The following PTPRN2 variants were observed in gnomAD, a reference collection of about 807,000 sequenced individuals.
PTPRN2 encodes receptor-type tyrosine-protein phosphatase N2.
In PTPRN2, 74 loss-of-function variants were observed where a neutral mutation model predicts 118.8. That is an observed-to-expected ratio of 0.62 (90% confidence interval 0.52 to 0.76). The LOEUF is 0.76. Ranked by LOEUF, PTPRN2 falls within the 30% of genes least tolerant of loss-of-function variation. The pLI, the probability that PTPRN2 is intolerant of heterozygous loss-of-function variation, is 0.00. For synonymous variants in PTPRN2, 641 were observed against 608.0 expected (o/e 1.05, Z -0.80); for missense variants, 1,481 against 1,394.4 (o/e 1.06, Z -0.99).
intron 3 of PTPRN2, among the ~76,000 whole-genome samples, chr7:158,213,255 G>A (rs898279049): frequency 2.9e-4 from 43 of 147,388 alleles, no homozygotes; most frequent in African/African-American, 7.9e-4. Context: ...TGTGTGTGGC[G>A]TAGGAAGTCC....
At chr7:158,062,650 AGG>A (rs1810440056) in intron 11 of PTPRN2, among the ~76,000 whole-genome samples, 1 of 152,116 alleles carries the variant, frequency 6.6e-6, no homozygotes, top group Non-Finnish European at 1.5e-5. Flanking sequence ...TGGGCTCGGC[AGG>A]CCCCACACTC....
intron 12 of PTPRN2, among the ~76,000 whole-genome samples, chr7:157,777,711 G>A (rs113362767): frequency 0.062 from 9,389 of 152,264 alleles, 430 homozygotes; most frequent in Non-Finnish European, 0.087. Context: ...ATAATTCAGC[G>A]AACTTCACAT....
intron 5 of PTPRN2, among the ~76,000 whole-genome samples, chr7:158,179,925 G>A (rs955749596): frequency 2.6e-5 from 4 of 152,214 alleles, no homozygotes; most frequent in African/African-American, 9.6e-5. Flanking sequence ...TAACCCTCAT[G>A]TAATTAAAAG....
At chr7:157,862,263 C>T (rs535849774) in intron 12 of PTPRN2, among the ~76,000 whole-genome samples, 3 of 152,240 alleles carry the variant, frequency 2.0e-5, no homozygotes, top group South Asian at 4.1e-4. Context: ...TCTGAGCTGC[C>T]GAGGTCCAGG....
intron 14 of PTPRN2, among the ~76,000 whole-genome samples, chr7:157,654,370 G>T (rs1273378483): frequency 6.6e-6 from 1 of 152,048 alleles, no homozygotes; most frequent in Non-Finnish European, 1.5e-5. Context: ...GCACCTGCTG[G>T]CATCGTGGAG....
rs78426302 is a variant in PTPRN2 at position 157,930,151 on chromosome 7, G to A, written c.1724-31414C>T. On this transcript the variant is annotated intron_variant, in intron 11 of 22. Coordinates refer to ENST00000389418, the MANE Select transcript of PTPRN2 (RefSeq NM_002847.5). ...AACCTTCCTGCAGAGATAGCACGAG[G>A]CCCACAGAGGGGTGTCTTGGGGCAC... 1.6e-4 allele frequency among the ~76,000 whole-genome samples: 25 copies of A among 152,306 alleles called. No homozygotes were observed. The East Asian group carries it at 4.6e-3, about 28-fold the overall frequency.
chr7:157,749,805 G>A (rs1801339897), intron 12 of PTPRN2, among the ~76,000 whole-genome samples: 1 of 142,390 alleles, frequency 7.0e-6, no homozygotes, highest in African/African-American at 2.7e-5. Context: ...CTCAGCTGTG[G>A]GGTGCCTGGG....
intron 2 of PTPRN2, among the ~76,000 whole-genome samples, chr7:158,318,134 G>A (rs1365917685): frequency 2.0e-5 from 3 of 152,116 alleles, no homozygotes; most frequent in African/African-American, 7.2e-5. Context: ...TCGGGGACGC[G>A]TCTGCAGAGC....
At chr7:158,085,214 CCA>C (rs1447801302) in intron 10 of PTPRN2, among the ~76,000 whole-genome samples, 1 of 138,348 alleles carries the variant, frequency 7.2e-6, no homozygotes, top group Non-Finnish European at 1.6e-5. Flanking sequence ...TGACGCCCAT[CCA>C]CACAGATACC....
chr7:157,683,271 G>A (rs1796999507), intron 12 of PTPRN2, among the ~76,000 whole-genome samples: 1 of 152,112 alleles, frequency 6.6e-6, no homozygotes, highest in Admixed American at 6.5e-5. Flanking sequence ...TCTTCTAACC[G>A]GGCACAGCAG....
In PTPRN2 at chr7:157,729,128, G is replaced by A. The variant is rs150748328; in HGVS notation, c.1789-46191C>T. 6.3e-3 allele frequency among the ~76,000 whole-genome samples: 953 copies of A among 152,048 alleles called. 45 individuals are homozygous for A. In the South Asian group the frequency reaches 0.12, roughly 19 times the overall value. On this transcript the variant is annotated intron_variant, in intron 12 of 22. Coordinates refer to ENST00000389418, the MANE Select transcript of PTPRN2 (RefSeq NM_002847.5). This position sits in a 1 kb window ranked among gnomAD's most constrained non-coding sequence, Gnocchi z 4.3. ...AGATGCAGAAGTTGATAATTGCTTT[G>A]ATATACCCATCTCTGTTTTTTTTTT...
intron 13 of PTPRN2, among the ~76,000 whole-genome samples, chr7:157,666,458 C>G (rs1796139478): frequency 6.6e-6 from 1 of 151,920 alleles, no homozygotes; most frequent in Non-Finnish European, 1.5e-5. Context: ...TTATAATGTG[C>G]CTCTATTCTT....
At chr7:158,275,717 TG>T (rs1798915971) in intron 3 of PTPRN2, among the ~76,000 whole-genome samples, 1 of 152,180 alleles carries the variant, frequency 6.6e-6, no homozygotes, top group African/African-American at 2.4e-5. Context: ...TTGCCAGGGC[TG>T]GCCCCCACCC....
intron 5 of PTPRN2, among the ~76,000 whole-genome samples, chr7:158,188,186 C>CGATGGGGAAGGCCGCCACGCTCGCCCCCT (rs1563576306): frequency 1.7e-4 from 10 of 57,952 alleles, no homozygotes; most frequent in Non-Finnish European, 2.4e-4. Flanking sequence ...GCTCGCCCCG[C>CGATGGGGAAGGCCGCCACGCTCGCCCCCT]GATGGGGAAG....
chr7:158,277,322 C>T lies in PTPRN2; in HGVS notation c.277+39497G>A, dbSNP rs369219933. On this transcript the variant is annotated intron_variant, in intron 3 of 22. Transcript: ENST00000389418. ...ATTCGGTCCCACACCTCAGCCACAA[C>T]GGGCAGTCAGGGCTTCAGCCACTCC... Among the ~76,000 whole-genome samples the T allele has an allele frequency of 1.5e-4, 23 of 152,308 alleles. No individual in the cohort carries two copies. In the East Asian group the frequency reaches 2.3e-3, roughly 15 times the overall value.
rs577454372 is a variant in PTPRN2, at chr7:157,629,065, A to T, written c.2197-7556T>A. ...GATGCAGGACCCGCTCACACGAAAC[A>T]TGCTCGCCTTCCTGTTGGCACCAGG... On this transcript the variant is annotated intron_variant, in intron 14 of 22. Coordinates refer to ENST00000389418, the MANE Select transcript of PTPRN2 (RefSeq NM_002847.5). This position sits in a 1 kb window ranked among gnomAD's most constrained non-coding sequence, Gnocchi z 4.4. Among the ~76,000 whole-genome samples, 2 of 152,090 alleles carry T rather than the reference A, an allele frequency of 1.3e-5. No homozygotes were observed. Among genetic ancestry groups the T allele is most frequent in the Non-Finnish European group, 2.9e-5 (2 of 67,988 alleles).
intron 11 of PTPRN2, among the ~76,000 whole-genome samples, chr7:157,933,957 G>A (rs560542209): frequency 6.6e-6 from 1 of 152,180 alleles, no homozygotes; most frequent in South Asian, 2.1e-4. Context: ...TTAGAGCAGG[G>A]GTGAGTCACT....
intron 2 of PTPRN2, among the ~76,000 whole-genome samples, chr7:158,365,309 G>A (rs760183441): frequency 6.6e-6 from 1 of 152,144 alleles, no homozygotes; most frequent in Non-Finnish European, 1.5e-5. Context: ...GACCTCATCG[G>A]CACTTCTGAC....
intron 12 of PTPRN2, among the ~76,000 whole-genome samples, chr7:157,730,219 G>T (rs1376758385): frequency 6.6e-6 from 1 of 151,874 alleles, no homozygotes; most frequent in Admixed American, 6.6e-5. Flanking sequence ...GTGAAGCTGT[G>T]TCACTGTGGC....
Sources: allele counts gnomAD v4.1 joint callset (sites outside exome capture counted in the v4.1 genomes callset), GRCh38; gene constraint gnomAD v4.1.1; non-coding constraint Gnocchi (gnomAD v3.1); transcripts MANE v1.5; gene names NCBI Gene and HGNC (gene_info 2026-07-23, HGNC 2026-07-21).